WDR7: variants seen among roughly 807,000 people sequenced by gnomAD.
WDR7 encodes the protein WD repeat domain 7, also known as WD repeat-containing protein 7.
In WDR7, 46 loss-of-function variants were observed where a neutral mutation model predicts 169.4. The observed-to-expected ratio is 0.27, with a 90% CI of 0.21 to 0.35. The LOEUF (loss-of-function observed/expected upper bound fraction) is 0.35, where lower values mean the gene tolerates loss of function less well. WDR7 is among the 10% of genes least tolerant of loss of function. The probability of loss-of-function intolerance (pLI) is 1.00; values close to 1 mark genes in which losing one functional copy is unlikely to be tolerated. For missense variants in WDR7, 1,534 were observed against 1,859.3 expected (o/e 0.83, Z 3.22); for synonymous variants, 612 against 666.8 (o/e 0.92, Z 1.27).
At chr18:56,968,782 A>G (rs1043437171) in intron 26 of WDR7, among the ~76,000 whole-genome samples, 1 of 152,128 alleles carries the variant, frequency 6.6e-6, no homozygotes, top group Non-Finnish European at 1.5e-5. Context: ...ATGGCTTAAT[A>G]CAACTGACTT....
intron 19 of WDR7, among the ~76,000 whole-genome samples, chr18:56,814,235 C>T (rs1031219046): frequency 2.0e-5 from 3 of 152,070 alleles, no homozygotes; most frequent in Middle Eastern, 3.4e-3. Context: ...TTCATTGATC[C>T]CTTAATTTTG....
rs895016537 is a variant in WDR7, at chr18:57,028,915, G to A, written c.*1708G>A. ...ATGTAGTTTCCAAGGAAGAAACAAAGACCTATACAGTTTAGACTTTATTTG... is the reference window on the plus strand; with the variant it reads ...ATGTAGTTTCCAAGGAAGAAACAAAAACCTATACAGTTTAGACTTTATTTG... On this transcript the variant is annotated 3_prime_UTR_variant, in exon 28 of 28. Coordinates refer to ENST00000254442, the MANE Select transcript of WDR7 (RefSeq NM_015285.3). The A allele has an allele frequency of 2.0e-5, 3 of 152,632 alleles. No individual in the cohort carries two copies. Among genetic ancestry groups the A allele is most frequent in the Non-Finnish European group, 4.4e-5 (3 of 68,028 alleles). The allele number at this position is 152,632 out of a possible 1,614,324, so 9.5% of individuals were successfully genotyped here.
At chr18:56,764,210 A>G (rs891532553) in intron 16 of WDR7, among the ~76,000 whole-genome samples, 5 of 152,162 alleles carry the variant, frequency 3.3e-5, no homozygotes, top group Non-Finnish European at 7.4e-5. Context: ...GTGGCATTAC[A>G]CACACTTTGC....
At chr18:56,852,708 A>G (rs565913749) in intron 20 of WDR7, among the ~76,000 whole-genome samples, 7 of 152,254 alleles carry the variant, frequency 4.6e-5, no homozygotes, top group Admixed American at 2.6e-4. Context: ...TATTAAATGT[A>G]AAAAAACAAG....
chr18:56,807,087 A>G (rs1020253557), intron 19 of WDR7, among the ~76,000 whole-genome samples: 4 of 145,242 alleles, frequency 2.8e-5, no homozygotes, highest in African/African-American at 1.0e-4. Context: ...TACTGAATGT[A>G]GTGAGTGCAC....
intron 13 of WDR7, among the ~76,000 whole-genome samples, chr18:56,722,883 G>A (rs1181144914): frequency 6.6e-6 from 1 of 151,954 alleles, no homozygotes; most frequent in Non-Finnish European, 1.5e-5. Flanking sequence ...TCTTTATTGG[G>A]TACCCTGCCT....
chr18:56,711,452 T>C (rs1406866922), intron 12 of WDR7, among the ~76,000 whole-genome samples: 1 of 152,148 alleles, frequency 6.6e-6, no homozygotes, highest in Non-Finnish European at 1.5e-5. Context: ...TTTCTTAATC[T>C]TGTATTAAAT....
chr18:56,670,207 T>G (rs569243139), intron 1 of WDR7, among the ~76,000 whole-genome samples: 46 of 152,334 alleles, frequency 3.0e-4, no homozygotes, highest in African/African-American at 1.0e-3. Flanking sequence ...TCATATACTA[T>G]TCTATCATCA....
intron 20 of WDR7, among the ~76,000 whole-genome samples, chr18:56,833,365 G>C (rs2045346877): frequency 6.6e-6 from 1 of 152,050 alleles, no homozygotes; most frequent in African/African-American, 2.4e-5. Flanking sequence ...TGGGACTATG[G>C]GAGGAATAGC....
intron 19 of WDR7, among the ~76,000 whole-genome samples, chr18:56,782,986 A>T (rs953220178): frequency 1.3e-5 from 2 of 152,176 alleles, no homozygotes; most frequent in Non-Finnish European, 2.9e-5. Flanking sequence ...TACTTTTGTT[A>T]AATACTTTAT....
intron 14 of WDR7, among the ~76,000 whole-genome samples, chr18:56,755,263 C>T (rs1568176467): frequency 1.3e-5 from 2 of 152,112 alleles, no homozygotes; most frequent in Non-Finnish European, 2.9e-5. Flanking sequence ...AAAGTCCATT[C>T]TCATCTCAAG....
At chr18:56,820,444 G>C (rs534690972) in intron 20 of WDR7, among the ~76,000 whole-genome samples, 1 of 149,022 alleles carries the variant, frequency 6.7e-6, no homozygotes, top group East Asian at 2.0e-4. Flanking sequence ...CCAATGGGTG[G>C]GTCGACTGTA....
chr18:56,665,491 C>G (rs904752012), intron 1 of WDR7, among the ~76,000 whole-genome samples: 32 of 20,678 alleles, frequency 1.5e-3, no homozygotes, highest in African/African-American at 1.6e-3. Flanking sequence ...AAAAGGCAGT[C>G]ATATTACTGA....
intron 25 of WDR7, among the ~76,000 whole-genome samples, chr18:56,952,505 T>TA (rs1477108582): frequency 6.6e-6 from 1 of 152,226 alleles, no homozygotes; most frequent in Non-Finnish European, 1.5e-5. Flanking sequence ...GATGCCTTCC[T>TA]AAAAATTCTT....
intron 20 of WDR7, among the ~76,000 whole-genome samples, chr18:56,825,433 G>A (rs945015108): frequency 3.9e-5 from 6 of 152,128 alleles, no homozygotes; most frequent in Admixed American, 3.9e-4. Flanking sequence ...TGTCAGACTG[G>A]CTCTATGCTC....
chr18:56,891,323 T>G (rs1429746743), intron 21 of WDR7, among the ~76,000 whole-genome samples: 1 of 152,132 alleles, frequency 6.6e-6, no homozygotes, highest in Non-Finnish European at 1.5e-5. Context: ...TATCACCACA[T>G]CACAGCTGTG....
At chr18:56,655,931 T>C (rs1257425647) in intron 1 of WDR7, among the ~76,000 whole-genome samples, 1 of 152,236 alleles carries the variant, frequency 6.6e-6, no homozygotes, top group African/African-American at 2.4e-5. Flanking sequence ...CAATAGTTTG[T>C]ACTTCTTAAT....
rs1412219165 is a variant in WDR7 at position 56,668,860 on chromosome 18, G to C, written c.-19-3637G>C. 2.0e-5 allele frequency among the ~76,000 whole-genome samples: 3 copies of C among 150,918 alleles called. No homozygotes were observed. The East Asian group carries it at 5.8e-4, about 29-fold the overall frequency. ...TATTAAGTACTGGAAAAAGCCTGTAGATGTGTAAGCAGAATGTGAAGAAGT... is the reference window on the plus strand; with the variant it reads ...TATTAAGTACTGGAAAAAGCCTGTACATGTGTAAGCAGAATGTGAAGAAGT... On this transcript the variant is annotated intron_variant, in intron 1 of 27. Coordinates refer to ENST00000254442, the MANE Select transcript of WDR7 (RefSeq NM_015285.3).
At chr18:56,747,044 T>A (rs1430465526) in intron 14 of WDR7, among the ~76,000 whole-genome samples, 2 of 152,194 alleles carry the variant, frequency 1.3e-5, no homozygotes, top group African/African-American at 2.4e-5. Flanking sequence ...CTCAGCACAG[T>A]GTTCATTGAA....
Sources: allele counts gnomAD v4.1 joint callset (sites outside exome capture counted in the v4.1 genomes callset), GRCh38; gene constraint gnomAD v4.1.1; transcripts MANE v1.5; gene names NCBI Gene and HGNC (gene_info 2026-07-23, HGNC 2026-07-21).